TTC39B: variants seen among roughly 807,000 people sequenced by gnomAD.
TTC39B encodes tetratricopeptide repeat protein 39B.
TTC39B carries 92 observed loss-of-function variants against 96.6 expected under a neutral mutation model. The ratio of observed to expected loss-of-function variants is 0.95; its 90% confidence interval spans 0.80 to 1.13. The LOEUF (loss-of-function observed/expected upper bound fraction) is 1.13, where lower values mean the gene tolerates loss of function less well. TTC39B is among the 50% of genes most tolerant of loss of function. The pLI, the probability that TTC39B is intolerant of heterozygous loss-of-function variation, is 0.00. For synonymous variants in TTC39B, 367 were observed against 299.4 expected (o/e 1.23, Z -2.33); for missense variants, 955 against 809.3 (o/e 1.18, Z -2.18).
intron 9 of TTC39B, among the ~76,000 whole-genome samples, chr9:15,191,540 T>C (rs570565057): frequency 6.6e-6 from 1 of 152,306 alleles, no homozygotes; most frequent in African/African-American, 2.4e-5. Context: ...GACAAGAAGG[T>C]AACCCCTCAA....
intron 4 of TTC39B, among the ~76,000 whole-genome samples, chr9:15,212,711 G>A (rs1243621054): frequency 6.6e-6 from 1 of 152,202 alleles, no homozygotes; most frequent in Non-Finnish European, 1.5e-5. Context: ...ACAGGCGTGA[G>A]CCATTTAAAC....
At chr9:15,240,627 A>T (rs1821996702) in intron 2 of TTC39B, among the ~76,000 whole-genome samples, 1 of 152,220 alleles carries the variant, frequency 6.6e-6, no homozygotes, top group Non-Finnish European at 1.5e-5. Context: ...ATTTAAGGAA[A>T]CACCCTCTGA....
chr9:15,305,588 A>C (rs904716761), intron 1 of TTC39B, among the ~76,000 whole-genome samples: 1 of 151,844 alleles, frequency 6.6e-6, no homozygotes, highest in South Asian at 2.1e-4. Flanking sequence ...ACAAATATTT[A>C]TTTACCAAGT....
intron 18 of TTC39B, among the ~76,000 whole-genome samples, chr9:15,176,655 G>C (rs933383895): frequency 1.3e-5 from 2 of 152,004 alleles, no homozygotes; most frequent in Admixed American, 6.6e-5. Flanking sequence ...CAGATTCCAG[G>C]CTTCTCGTGA....
At chr9:15,293,061 T>C (rs1824244908) in intron 1 of TTC39B, among the ~76,000 whole-genome samples, 1 of 152,234 alleles carries the variant, frequency 6.6e-6, no homozygotes, top group African/African-American at 2.4e-5. Context: ...GCTCCATTCA[T>C]GGTAAGTGCC....
Position 15,183,771 on chromosome 9 carries a change from G to A in TTC39B, c.1615-1356C>T, listed in dbSNP as rs537618842. On this transcript the variant is annotated intron_variant, in intron 16 of 19. Coordinates refer to ENST00000512701, the Ensembl canonical transcript of TTC39B. ...TAAGCAACAGAAGGCTCTCATGTGA[G>A]CTGGGAGAGGGAGATGTTTGGTTAT... Among the ~76,000 whole-genome samples, 3 of 152,348 alleles carry A rather than the reference G, an allele frequency of 2.0e-5. No homozygotes were observed. In the East Asian group the frequency reaches 5.8e-4, roughly 29 times the overall value.
At chr9:15,175,748 T>A (rs1817901611) in intron 18 of TTC39B, among the ~76,000 whole-genome samples, 1 of 152,162 alleles carries the variant, frequency 6.6e-6, no homozygotes, top group African/African-American at 2.4e-5. Flanking sequence ...ATATGTGGGA[T>A]GATGCTGAAT....
At chr9:15,267,190 T>C (rs1662457653) in intron 2 of TTC39B, among the ~76,000 whole-genome samples, 1 of 152,216 alleles carries the variant, frequency 6.6e-6, no homozygotes. Flanking sequence ...ATCCCAACCA[T>C]GCTGGCACCC....
intron 18 of TTC39B, among the ~76,000 whole-genome samples, chr9:15,176,423 G>A (rs1817941391): frequency 6.6e-6 from 1 of 152,110 alleles, no homozygotes; most frequent in African/African-American, 2.4e-5. Flanking sequence ...GTACATTTGG[G>A]AAGTAGATAT....
At chr9:15,226,711 G>A (rs1406094360) in intron 2 of TTC39B, among the ~76,000 whole-genome samples, 3 of 152,108 alleles carry the variant, frequency 2.0e-5, no homozygotes, top group Admixed American at 6.5e-5. Flanking sequence ...ACATAAAGAA[G>A]GTAAGGACCA....
intron 2 of TTC39B, among the ~76,000 whole-genome samples, chr9:15,233,804 T>C (rs969010182): frequency 3.3e-5 from 5 of 152,120 alleles, no homozygotes; most frequent in Admixed American, 6.5e-5. Context: ...GGAGCGTCTC[T>C]GCCTGGCCGC....
At chr9:15,251,765 TAA>T (rs1204705257) in intron 2 of TTC39B, among the ~76,000 whole-genome samples, 1 of 143,296 alleles carries the variant, frequency 7.0e-6, no homozygotes, top group Non-Finnish European at 1.5e-5. Context: ...ACAAGACAGC[TAA>T]ATGTATTTTT....
intron 1 of TTC39B, among the ~76,000 whole-genome samples, chr9:15,298,135 T>C (rs1424875604): frequency 1.3e-5 from 2 of 152,164 alleles, no homozygotes; most frequent in African/African-American, 4.8e-5. Context: ...TTTTTCTCCT[T>C]CTCTTGGACA....
chr9:15,246,129 T>C (rs1292028140), intron 2 of TTC39B, among the ~76,000 whole-genome samples: 1 of 152,206 alleles, frequency 6.6e-6, no homozygotes, highest in Non-Finnish European at 1.5e-5. Context: ...GGCACATGCC[T>C]GTAATCCCGG....
chr9:15,246,085 G>A (rs1822259710), intron 2 of TTC39B, among the ~76,000 whole-genome samples: 1 of 151,932 alleles, frequency 6.6e-6, no homozygotes, highest in Admixed American at 6.6e-5. Context: ...GAAACCCTGT[G>A]TCTAATAAAA....
intron 1 of TTC39B, among the ~76,000 whole-genome samples, chr9:15,294,266 C>A (rs1404250408): frequency 6.6e-6 from 1 of 152,066 alleles, no homozygotes; most frequent in African/African-American, 2.4e-5. Context: ...ACAGCAAGAA[C>A]CCTAGAGTCC....
At position 15,306,953 on chromosome 9, in the gene TTC39B, G is replaced by C; in HGVS notation, c.240+131C>G. 1 of 1,370,714 alleles carries C rather than the reference G, an allele frequency of 7.3e-7. No individual in the cohort carries two copies. The highest frequency in any genetic ancestry group is 1.5e-5 in the African/African-American group (1 of 66,942). 84.9% of individuals were successfully genotyped at this position (1,370,714 alleles called of 1,614,324 possible). ...CCAAGGCCGGGCGCCCCCACCCGGC[G>C]CCCGCCAGCCCACCCCAGAGAGGGG... is the stretch of plus-strand genomic sequence containing the variant. On this transcript the variant is annotated intron_variant, in intron 1 of 19. Transcript: ENST00000512701. This position sits in a 1 kb window ranked among gnomAD's most constrained non-coding sequence, Gnocchi z 5.1.
At chr9:15,251,618 T>A (rs1181639322) in intron 2 of TTC39B, among the ~76,000 whole-genome samples, 1 of 149,840 alleles carries the variant, frequency 6.7e-6, no homozygotes, top group Non-Finnish European at 1.5e-5. Context: ...CTCTTAATGT[T>A]TTGCAATAAT....
chr9:15,225,201 G>A (rs748095979), intron 3 of TTC39B, among the ~76,000 whole-genome samples: 3 of 151,874 alleles, frequency 2.0e-5, no homozygotes, highest in Admixed American at 6.6e-5. Flanking sequence ...AAAATATCAC[G>A]ATATATTAAA....
Sources: allele counts gnomAD v4.1 joint callset (sites outside exome capture counted in the v4.1 genomes callset), GRCh38; gene constraint gnomAD v4.1.1; non-coding constraint Gnocchi (gnomAD v3.1); transcripts MANE v1.5; gene names NCBI Gene and HGNC (gene_info 2026-07-23, HGNC 2026-07-21).